Variants in GGCX observed in about 807,000 individuals in gnomAD.
GGCX encodes gamma-glutamyl carboxylase, also known as vitamin K-dependent gamma-carboxylase.
A neutral mutation model predicts 88.5 loss-of-function variants in GGCX; 63 were observed. The ratio of observed to expected loss-of-function variants is 0.71; its 90% CI spans 0.58 to 0.88. GGCX has a LOEUF of 0.88. Ranked by LOEUF, GGCX falls within the 40% of genes least tolerant of loss-of-function variation. GGCX has a pLI of 0.00. For synonymous variants in GGCX, 368 were observed against 365.8 expected, an observed-to-expected ratio of 1.01 and a Z score of -0.07; for missense variants, 805 against 932.9, an observed-to-expected ratio of 0.86 and a Z score of 1.79.
At position 85,545,253 on chromosome 2, in the gene GGCX, C is replaced by T. The variant is rs949866556; in HGVS notation, c.*4681G>A. On this transcript the variant is annotated 3_prime_UTR_variant, in exon 15 of 15. Coordinates refer to ENST00000233838, the MANE Select transcript of GGCX (RefSeq NM_000821.7). The stretch of plus-strand genomic sequence containing the variant: ...TCAATTCCAACAGTTTAATGAAGAT[C>T]TAAATAAAATGCTAGGTTCTACCTT... 1 of 152,578 alleles carries T rather than the reference C, an allele frequency of 6.6e-6. No homozygotes were observed. The highest frequency in any genetic ancestry group is 1.5e-5 in the Non-Finnish European group (1 of 68,030). 9.5% of individuals were successfully genotyped at this position (152,578 alleles called of 1,614,324 possible).
rs1691918552 is a variant in GGCX, at chr2:85,550,956, T to A, written c.1857A>T (p.Gln619His). ...CATTCTCCACCTTTTCCTTTAATTCTTGCAGATATGCCAGGTCTTGCTCCA... is the reference window on the plus strand; with the variant it reads ...CATTCTCCACCTTTTCCTTTAATTCATGCAGATATGCCAGGTCTTGCTCCA... ...LALEQDLAYL[Q>H]ELKEKVENGS... is the part of the protein sequence containing the mutation. The change falls in exon 13 of 15, where the codon CAA (glutamine) becomes CAT (histidine). Residue 619 changes from glutamine to histidine, a missense_variant. Gln to His is a conservative substitution (Grantham distance 24). Transcript: ENST00000233838. The A allele has an allele frequency of 6.2e-7, 1 of 1,614,082 alleles. No homozygotes were observed. Among genetic ancestry groups the A allele is most frequent in the African/African-American group, 1.3e-5 (1 of 74,924 alleles).
chr2:85,553,246 G>A lies in GGCX; in HGVS notation c.1141C>T (p.His381Tyr). The A allele has an allele frequency of 6.2e-7, 1 of 1,614,262 alleles. No homozygotes were observed. Among genetic ancestry groups the A allele is most frequent in the Non-Finnish European group, 8.5e-7 (1 of 1,180,040 alleles). The change falls in exon 8 of 15, where the codon CAT (histidine) becomes TAT (tyrosine). Residue 381 changes from histidine to tyrosine, a missense_variant. His to Tyr is a moderately conservative substitution (Grantham distance 83). Around this residue, in one of 3 missense-constraint regions of GGCX, gnomAD observed 680 missense variants for 763.7 expected, o/e 0.89. Coordinates refer to ENST00000233838, the MANE Select transcript of GGCX (RefSeq NM_000821.7). ...CCCCTACAAACCTGGGTGAGAAAAT[G>A]AGAATAGGGCAGGAATAGCTGCTCC... Reference protein sequence around the residue: ...LLEQLFLPYSHFLTQGYNNWT... With the variant: ...LLEQLFLPYSYFLTQGYNNWT...
Position 85,549,357 on chromosome 2 carries a change from C to T in GGCX, c.*577G>A, listed in dbSNP as rs1691816769. 1 of 143,750 alleles carries T rather than the reference C, an allele frequency of 7.0e-6. No individual in the cohort carries two copies. Among genetic ancestry groups the T allele is most frequent in the Admixed American group, 6.5e-5 (1 of 15,298 alleles). 8.9% of individuals were successfully genotyped at this position (143,750 alleles called of 1,614,324 possible). ...TCGTGGTACATTAAATTGCTTTTCC[C>T]CAAGAGCCACTTTATTTATTTATTT... is the stretch of plus-strand genomic sequence containing the variant. On this transcript the variant is annotated 3_prime_UTR_variant, in exon 15 of 15. Coordinates refer to ENST00000233838, the MANE Select transcript of GGCX (RefSeq NM_000821.7).
In GGCX at chr2:85,547,370, A is replaced by G. The variant is rs942756407; in HGVS notation, c.*2564T>C. 6.6e-6 allele frequency: 1 copy of G among 152,054 alleles called. No individual in the cohort carries two copies. The highest frequency in any genetic ancestry group is 2.1e-4 in the South Asian group (1 of 4,824). 9.4% of individuals were successfully genotyped at this position (152,054 alleles called of 1,614,324 possible). On this transcript the variant is annotated 3_prime_UTR_variant, in exon 15 of 15. Transcript: ENST00000233838. ...TTAGAATGGCTACAGTTGCAACCCA[A>G]CTCTACCCCACTGAACAGCTTTTAT...
intron 6 of GGCX, chr2:85,554,631 G>A: frequency 5.2e-6 from 2 of 383,314 alleles, no homozygotes; most frequent in South Asian, 2.3e-5. Context: ...ACGCCTAGCT[G>A]TTTTTTTAAA....
chr2:85,553,904 A>G (rs1217897924), intron 7 of GGCX: 2 of 549,450 alleles, frequency 3.6e-6, no homozygotes, highest in Non-Finnish European at 6.6e-6. Context: ...CCCGGCCACA[A>G]AGTAGTTCTT....
At chr2:85,552,364 G>A (rs1691999462) in intron 10 of GGCX, 52 bp downstream of exon 10, 2 of 1,545,502 alleles carry the variant, frequency 1.3e-6, no homozygotes, top group Non-Finnish European at 1.8e-6. Flanking sequence ...TGTTCATCTT[G>A]GTAAAAAGAA....
rs754960778 is a variant in GGCX, at chr2:85,552,492, G to A, written c.1363C>T (p.Leu455Phe). 4.2e-5 allele frequency: 68 copies of A among 1,613,544 alleles called. No homozygotes were observed. The highest frequency in any genetic ancestry group is 5.3e-5 in the Non-Finnish European group (62 of 1,179,592). The change falls in exon 10 of 15, where the codon CTT becomes TTT. Residue 455 changes from leucine to phenylalanine, a missense_variant. Physicochemically the swap from Leu to Phe is conservative, Grantham distance 22. Coordinates refer to ENST00000233838, the MANE Select transcript of GGCX (RefSeq NM_000821.7). ...GGCTCAGTGACATTATACTTGGGAAGCAGGCGGCTCAGGCAAGTGGCATAT... is the reference window on the plus strand; with the variant it reads ...GGCTCAGTGACATTATACTTGGGAAACAGGCGGCTCAGGCAAGTGGCATAT... ...KQYATCLSRLLPKYNVTEPQI... is the reference protein window; with the variant it reads ...KQYATCLSRLFPKYNVTEPQI...
Position 85,545,493 on chromosome 2 carries a change from G to GAGAATAC in GGCX, c.*4440_*4441insGTATTCT, listed in dbSNP as rs1182017925. Reference sequence around the variant, plus strand: ...TATGAATAACCTGAGAATACTATATGTGTATCTTTAACCTTGAATTGTAAT... The same window carrying GAGAATAC: ...TATGAATAACCTGAGAATACTATATGAGAATACTGTATCTTTAACCTTGAATTGTAAT... On this transcript the variant is annotated 3_prime_UTR_variant, in exon 15 of 15. Transcript: ENST00000233838. 6.6e-6 allele frequency: 1 copy of GAGAATAC among 152,154 alleles called. No individual in the cohort carries two copies. The highest frequency in any genetic ancestry group is 1.5e-5 in the Non-Finnish European group (1 of 68,038). 9.4% of individuals were successfully genotyped at this position (152,154 alleles called of 1,614,324 possible). A position where few individuals can be genotyped will look rare whatever the true frequency, so the allele number is the denominator to read the frequency against.
rs2103927897 is a variant in GGCX, at chr2:85,545,487, CTA to C, written c.*4445_*4446del. The C allele has an allele frequency of 6.6e-6, 1 of 152,242 alleles. No individual in the cohort carries two copies. Among genetic ancestry groups the C allele is most frequent in the East Asian group, 1.9e-4 (1 of 5,188 alleles). The allele number at this position is 152,242 out of a possible 1,614,324, so 9.4% of individuals were successfully genotyped here. A position where few individuals can be genotyped will look rare whatever the true frequency, so the allele number is the denominator to read the frequency against. On this transcript the variant is annotated 3_prime_UTR_variant, in exon 15 of 15. Transcript: ENST00000233838. Reference sequence around the variant, plus strand: ...CTATCATATGAATAACCTGAGAATACTATATGTGTATCTTTAACCTTGAATTG... The same window carrying C: ...CTATCATATGAATAACCTGAGAATACTATGTGTATCTTTAACCTTGAATTG...
rs373988724 is a variant in GGCX at position 85,550,788 on chromosome 2, G to C, written c.1889-38C>G. On this transcript the variant is annotated intron_variant, in intron 13 of 14. Transcript: ENST00000233838. Reference sequence around the variant, plus strand: ...CAGAAAAAAGAGGAATCACTGAGATGGATCACTCTCTCCCCTTAGAACTCC... The same window carrying C: ...CAGAAAAAAGAGGAATCACTGAGATCGATCACTCTCTCCCCTTAGAACTCC... 4 of 1,595,042 alleles carry C rather than the reference G, an allele frequency of 2.5e-6. No homozygotes were observed. In the African/African-American group the frequency reaches 4.0e-5, roughly 16 times the overall value.
At chr2:85,557,924 C>T (rs1387118320) in intron 4 of GGCX, among the ~76,000 whole-genome samples, 1 of 152,160 alleles carries the variant, frequency 6.6e-6, no homozygotes, top group African/African-American at 2.4e-5. Flanking sequence ...CCCTTCTCCA[C>T]CTCCCCTTAG....
In GGCX at chr2:85,553,058, A is replaced by C; in HGVS notation, c.1168T>G (p.Trp390Gly). The change falls in exon 9 of 15, where the codon TGG becomes GGG. Residue 390 changes from tryptophan to glycine, a missense_variant. Physicochemically the swap from Trp to Gly is radical, Grantham distance 184. Transcript: ENST00000233838. ...SHFLTQGYNN[W>G]TNGLYGYSWD... is the part of the protein sequence containing the mutation. The stretch of plus-strand genomic sequence containing the variant: ...GAATAGCCATACAGCCCATTTGTCC[A>C]GTTGTTATAGCCCTGGGAAGGCAGC... 1.2e-6 allele frequency: 2 copies of C among 1,614,184 alleles called. No homozygotes were observed. Among genetic ancestry groups the C allele is most frequent in the Non-Finnish European group, 1.7e-6 (2 of 1,180,012 alleles).
rs1692179263 is a variant in GGCX, at chr2:85,555,696, C to T, written c.619-106G>A. ...GTTAGGACAACTTGAATCCATGCTC[C>T]TGAGTTACAGTCCTTGACCCAAATA... On this transcript the variant is annotated intron_variant, in intron 5 of 14. Transcript: ENST00000233838. The T allele has an allele frequency of 6.2e-5, 45 of 720,150 alleles. No individual in the cohort carries two copies. In the South Asian group the frequency reaches 6.4e-4, roughly 10 times the overall value. The allele number at this position is 720,150 out of a possible 1,614,324, so 44.6% of individuals were successfully genotyped here.
rs1299997965 is a variant in GGCX at position 85,548,121 on chromosome 2, C to G, written c.*1813G>C. The G allele has an allele frequency of 6.6e-6, 1 of 152,132 alleles. No individual in the cohort carries two copies. The highest frequency in any genetic ancestry group is 6.5e-5 in the Admixed American group (1 of 15,272). 9.4% of individuals were successfully genotyped at this position (152,132 alleles called of 1,614,324 possible). ...CTGAAGTGGAAGAATCGTTTAAACC[C>G]AGGAGGTGGTGGCTGCAGTAAGCCA... On this transcript the variant is annotated 3_prime_UTR_variant, in exon 15 of 15. Transcript: ENST00000233838.
chr2:85,561,362 C>T lies in GGCX; in HGVS notation c.43+24G>A, dbSNP rs370636166. ...ACCAGCGCTCCTAGGAACTCTCCGC[C>T]GGAGGGCGGGGTCCTAAGCCTACCT... On this transcript the variant is annotated intron_variant, in intron 1 of 14. Coordinates refer to ENST00000233838, the MANE Select transcript of GGCX (RefSeq NM_000821.7). The T allele has an allele frequency of 4.0e-4, 612 of 1,522,552 alleles. 2 individuals are homozygous for T. In the African/African-American group the frequency reaches 7.9e-3, roughly 20 times the overall value. 94.3% of individuals were successfully genotyped at this position (1,522,552 alleles called of 1,614,324 possible).
chr2:85,560,175 A>G (rs1468276678), intron 2 of GGCX, among the ~76,000 whole-genome samples: 1 of 152,180 alleles, frequency 6.6e-6, no homozygotes. Context: ...GCTCTTGATT[A>G]GGGAGTCACA....
rs1691594122 is a variant in GGCX at position 85,545,145 on chromosome 2, A to G, written c.*4789T>C. 6.5e-6 allele frequency: 1 copy of G among 152,734 alleles called. No homozygotes were observed. The highest frequency in any genetic ancestry group is 1.9e-4 in the East Asian group (1 of 5,174). 9.5% of individuals were successfully genotyped at this position (152,734 alleles called of 1,614,324 possible). ...GGTACAGAGAAGCCAGCTTGTTTAC[A>G]TGCTTATTCCATGACTGCTTGCCCT... On this transcript the variant is annotated 3_prime_UTR_variant, in exon 15 of 15. Transcript: ENST00000233838.
Position 85,561,414 on chromosome 2 carries a change from G to C in GGCX, c.15C>G (p.Ala5=), listed in dbSNP as rs199867398. 7 of 1,570,350 alleles carry C rather than the reference G, an allele frequency of 4.5e-6. No homozygotes were observed. Among genetic ancestry groups the C allele is most frequent in the Admixed American group, 1.9e-5 (1 of 52,652 alleles). The change falls in exon 1 of 15, where the codon GCC becomes GCG. Residue 5 remains alanine (A), a synonymous_variant. Coordinates refer to ENST00000233838, the MANE Select transcript of GGCX (RefSeq NM_000821.7). ...AGCTGGGCGAGGTCCGCGCGGACCCGGCAGACACCGCCATTGCTCTGCGGA... is the reference window on the plus strand; with the variant it reads ...AGCTGGGCGAGGTCCGCGCGGACCCCGCAGACACCGCCATTGCTCTGCGGA... MAVS[A]GSARTSPSSD...
Sources: allele counts gnomAD v4.1 joint callset (sites outside exome capture counted in the v4.1 genomes callset), GRCh38; gene constraint gnomAD v4.1.1; regional missense constraint gnomAD v4.1.1; transcripts MANE v1.5; gene names NCBI Gene and HGNC (gene_info 2026-07-23, HGNC 2026-07-21).